The following ZNF536 variants were observed in gnomAD, a reference collection of about 807,000 sequenced individuals.
ZNF536 encodes the protein zinc finger protein 536.
In ZNF536, 13 loss-of-function variants were observed where a neutral mutation model predicts 84.5. That is an observed-to-expected ratio of 0.15 (90% CI 0.10 to 0.24). The LOEUF (loss-of-function observed/expected upper bound fraction) is 0.24, where lower values mean the gene tolerates loss of function less well. Ranked by LOEUF, ZNF536 falls within the 10% of genes least tolerant of loss-of-function variation. ZNF536 has a pLI of 1.00. For synonymous variants in ZNF536, 811 were observed against 742.5 expected (o/e 1.09, Z -1.50); for missense variants, 1,536 against 1,747.5 (o/e 0.88, Z 2.16).
intron 3 of ZNF536, among the ~76,000 whole-genome samples, chr19:30,544,748 G>A (rs929750731): frequency 6.6e-5 from 10 of 152,204 alleles, no homozygotes; most frequent in Non-Finnish European, 1.5e-4. Context: ...GAGTCAGTGG[G>A]TGACAAGTAT....
intron 1 of ZNF536, among the ~76,000 whole-genome samples, chr19:30,595,187 A>G (rs1882492584): frequency 6.6e-6 from 1 of 151,852 alleles, no homozygotes; most frequent in South Asian, 2.1e-4. Flanking sequence ...GTGATTGGAG[A>G]CCTTCGTTTC....
At chr19:30,458,138 G>A (rs1422608365) in intron 2 of ZNF536, among the ~76,000 whole-genome samples, 2 of 152,152 alleles carry the variant, frequency 1.3e-5, no homozygotes, top group Non-Finnish European at 2.9e-5. Flanking sequence ...TTGGAGCCGG[G>A]CCCCACACAC....
chr19:30,581,105 G>A (rs898605574), intron 1 of ZNF536, among the ~76,000 whole-genome samples: 20 of 152,332 alleles, frequency 1.3e-4, no homozygotes, highest in African/African-American at 4.8e-4. Flanking sequence ...CACTATGTAA[G>A]TAAAACTACT....
At chr19:30,458,652 A>G (rs2148397090) in intron 2 of ZNF536, among the ~76,000 whole-genome samples, 1 of 151,886 alleles carries the variant, frequency 6.6e-6, no homozygotes, top group Admixed American at 6.6e-5. Flanking sequence ...GGGTTTCTCC[A>G]TGTTGGTCAC....
At chr19:30,692,245 CGAGGGCTGGGAATTCATCATGTGCT>C (rs1160191693) in intron 1 of ZNF536, among the ~76,000 whole-genome samples, 2 of 152,160 alleles carry the variant, frequency 1.3e-5, no homozygotes, top group Non-Finnish European at 2.9e-5. Context: ...GTGCCTGCAC[CGAGGGCTGGGAATTCATCATGTGCT>C]GATGAGCAGT....
chr19:30,518,060 T>A (rs1004824585), intron 2 of ZNF536, among the ~76,000 whole-genome samples: 1 of 152,110 alleles, frequency 6.6e-6, no homozygotes, highest in African/African-American at 2.4e-5. Context: ...AACTGTCTCC[T>A]TCTTTCCAGA....
chr19:30,504,592 C>T (rs2055089570), intron 2 of ZNF536, among the ~76,000 whole-genome samples: 3 of 140,010 alleles, frequency 2.1e-5, no homozygotes, highest in Non-Finnish European at 4.6e-5. Context: ...CTCCTTCCCT[C>T]TCTCCAACTC....
intron 1 of ZNF536, among the ~76,000 whole-genome samples, chr19:30,565,586 T>C (rs12460837): frequency 0.25 from 37,652 of 152,206 alleles, 5,264 homozygotes; most frequent in East Asian, 0.42. Flanking sequence ...TTTTAAATTT[T>C]TGTTTTTATA....
At chr19:30,587,797 G>A (rs150515053) in intron 1 of ZNF536, among the ~76,000 whole-genome samples, 2,687 of 152,352 alleles carry the variant, frequency 0.018, 22 homozygotes, top group Non-Finnish European at 0.025. Context: ...CGAGGGAGAA[G>A]CCCGGAGCCT....
rs373542744 is a variant in ZNF536 at position 30,291,738 on chromosome 19, C to T, written c.-120+7597C>T. ...GCCTCCACTTCTTCCACACCCTTGC[C>T]AGCACTTGTTTTTTCCATTTTTATG... On this transcript the variant is annotated intron_variant, in intron 2 of 5. Transcript: ENST00000585628. 1.2e-4 allele frequency among the ~76,000 whole-genome samples: 18 copies of T among 152,308 alleles called. 1 individual carries two copies. In the South Asian group the frequency reaches 3.7e-3, roughly 32 times the overall value.
intron 1 of ZNF536, among the ~76,000 whole-genome samples, chr19:30,688,027 A>C (rs2051263769): frequency 6.9e-6 from 1 of 145,292 alleles, no homozygotes; most frequent in Non-Finnish European, 1.5e-5. Flanking sequence ...TAAAAAAAAA[A>C]AAAAAAGGGC....
intron 2 of ZNF536, among the ~76,000 whole-genome samples, chr19:30,351,879 G>C (rs1195775805): frequency 2.6e-5 from 4 of 152,234 alleles, no homozygotes; most frequent in African/African-American, 9.6e-5. Flanking sequence ...AAATCTTCTT[G>C]CTGGGTCTGG....
Position 30,632,651 on chromosome 19 carries a change from A to AAACCAACC in ZNF536, c.170-78072_170-78065dup, listed in dbSNP as rs34446654. On this transcript the variant is annotated intron_variant, in intron 1 of 1. Transcript: ENST00000592773. ...CCAACCAACCAACCAATCAACCAAC[A>AAACCAACC]AACCAACCAACCAACCAACCAACCA... is the stretch of plus-strand genomic sequence containing the variant. Among the ~76,000 whole-genome samples the AAACCAACC allele has an allele frequency of 7.3e-4, 110 of 149,714 alleles. 1 individual carries two copies. Among genetic ancestry groups the AAACCAACC allele is most frequent in the Middle Eastern group, 6.8e-3 (2 of 292 alleles).
intron 2 of ZNF536, among the ~76,000 whole-genome samples, chr19:30,474,750 G>C (rs986389209): frequency 2.0e-5 from 3 of 152,154 alleles, no homozygotes; most frequent in Admixed American, 6.5e-5. Flanking sequence ...TTCATCATCA[G>C]TCATCATTAT....
At chr19:30,261,091 G>T (rs937602031) in intron 1 of ZNF536, among the ~76,000 whole-genome samples, 6 of 152,008 alleles carry the variant, frequency 3.9e-5, no homozygotes, top group African/African-American at 1.4e-4. Context: ...GAGGTCAGGA[G>T]ATCGAGACCA....
intron 2 of ZNF536, among the ~76,000 whole-genome samples, chr19:30,503,748 T>G (rs1407069238): frequency 6.6e-6 from 1 of 152,134 alleles, no homozygotes; most frequent in African/African-American, 2.4e-5. Flanking sequence ...CCATCCCCTA[T>G]CTCCCTGGCG....
chr19:30,369,046 G>A (rs947584892), upstream of ZNF536, among the ~76,000 whole-genome samples: 11 of 152,016 alleles, frequency 7.2e-5, no homozygotes, highest in Admixed American at 4.6e-4. Flanking sequence ...TTACCAACTC[G>A]TCTCCCTCCA....
At chr19:30,566,718 G>A (rs1433289815) in intron 1 of ZNF536, among the ~76,000 whole-genome samples, 1 of 151,384 alleles carries the variant, frequency 6.6e-6, no homozygotes, top group Non-Finnish European at 1.5e-5. Flanking sequence ...AGGTCCCTGT[G>A]TGTGGCCTTT....
At chr19:30,489,959 C>A (rs531356436) in intron 2 of ZNF536, among the ~76,000 whole-genome samples, 1 of 152,212 alleles carries the variant, frequency 6.6e-6, no homozygotes, top group Non-Finnish European at 1.5e-5. Flanking sequence ...TGCAAGTTCT[C>A]AAAGGGTGCA....
Sources: gnomAD v4.1 joint callset for allele counts (sites outside exome capture counted in the v4.1 genomes callset) on GRCh38, gnomAD v4.1.1 for gene constraint, MANE v1.5 for transcripts, NCBI Gene and HGNC (gene_info 2026-07-23, HGNC 2026-07-21) for gene names.